Variants in PTPRN2 observed in about 807,000 individuals in gnomAD.
PTPRN2 encodes the protein receptor-type tyrosine-protein phosphatase N2.
In PTPRN2, 74 loss-of-function variants were observed where a neutral mutation model predicts 118.8. The observed-to-expected ratio is 0.62, with a 90% CI of 0.52 to 0.76. The LOEUF is 0.76. PTPRN2 is among the 30% of genes least tolerant of loss of function. The pLI is 0.00. For missense variants in PTPRN2, 1,481 were observed against 1,394.4 expected (o/e 1.06, Z -0.99); for synonymous variants, 641 against 608.0 (o/e 1.05, Z -0.80).
At position 157,729,170 on chromosome 7, in the gene PTPRN2, T is replaced by G. The variant is rs1799756890; in HGVS notation, c.1789-46233A>C. ...TTTTTTTTTTGGACAGAATTCCTAT[T>G]AAATACAATATAGAGTATTTCATTT... On this transcript the variant is annotated intron_variant, in intron 12 of 22. Coordinates refer to ENST00000389418, the MANE Select transcript of PTPRN2 (RefSeq NM_002847.5). This position sits in a 1 kb window ranked among gnomAD's most constrained non-coding sequence, Gnocchi z 4.3. Among the ~76,000 whole-genome samples, 1 of 152,180 alleles carries G rather than the reference T, an allele frequency of 6.6e-6. No individual in the cohort carries two copies. Among genetic ancestry groups the G allele is most frequent in the Non-Finnish European group, 1.5e-5 (1 of 68,014 alleles).
intron 3 of PTPRN2, among the ~76,000 whole-genome samples, chr7:158,284,567 A>G (rs1173119380): frequency 6.6e-6 from 1 of 152,074 alleles, no homozygotes; most frequent in Admixed American, 6.5e-5. Context: ...TTTGACAGAA[A>G]TTATGGACTC....
In PTPRN2 at chr7:157,895,217, G is replaced by C. The variant is rs138779148; in HGVS notation, c.1788+3456C>G. ...GACGAGACCATAAAATAAGCCAGAGGATCTGGACGAAACCATAAAATAAGC... is the reference window on the plus strand; with the variant it reads ...GACGAGACCATAAAATAAGCCAGAGCATCTGGACGAAACCATAAAATAAGC... On this transcript the variant is annotated intron_variant, in intron 12 of 22. Coordinates refer to ENST00000389418, the MANE Select transcript of PTPRN2 (RefSeq NM_002847.5). 2.7e-3 allele frequency among the ~76,000 whole-genome samples: 415 copies of C among 151,978 alleles called. 3 individuals are homozygous for C. Among genetic ancestry groups the C allele is most frequent in the African/African-American group, 9.3e-3 (385 of 41,456 alleles).
chr7:157,597,768 A>C (rs1442301072), intron 16 of PTPRN2, among the ~76,000 whole-genome samples: 2 of 152,192 alleles, frequency 1.3e-5, no homozygotes, highest in Non-Finnish European at 2.9e-5. Context: ...TGGGCTGTGC[A>C]GACTGAGTGG....
chr7:157,710,467 C>T lies in PTPRN2; in HGVS notation c.1789-27530G>A, dbSNP rs1261748780. ...ACAAACAATAAAAAAATCACCCAAG[C>T]TGCCTAACCGCCCCCACCCCCCCGC... On this transcript the variant is annotated intron_variant, in intron 12 of 22. Transcript: ENST00000389418. Among the ~76,000 whole-genome samples the T allele has an allele frequency of 3.3e-5, 5 of 151,984 alleles. No homozygotes were observed. The East Asian group carries it at 9.7e-4, about 29-fold the overall frequency.
chr7:157,580,062 A>G lies in PTPRN2; in HGVS notation c.2497-1922T>C, dbSNP rs530028620. On this transcript the variant is annotated intron_variant, in intron 17 of 22. Coordinates refer to ENST00000389418, the MANE Select transcript of PTPRN2 (RefSeq NM_002847.5). ...GAATCAGTAAAAATCCCAGTCGAGT[A>G]AGGTTCAATTTCTAATCGGGGAGAA... Among the ~76,000 whole-genome samples, 13 of 152,338 alleles carry G rather than the reference A, an allele frequency of 8.5e-5. No homozygotes were observed. In the South Asian group the frequency reaches 2.5e-3, roughly 29 times the overall value.
intron 13 of PTPRN2, among the ~76,000 whole-genome samples, chr7:157,667,091 G>A (rs11767091): frequency 6.4e-5 from 5 of 78,212 alleles, no homozygotes; most frequent in Non-Finnish European, 6.0e-5. Flanking sequence ...TGGCTTGCAC[G>A]CTCAGCCTGT....
intron 12 of PTPRN2, among the ~76,000 whole-genome samples, chr7:157,769,053 T>C (rs574809570): frequency 3.3e-5 from 5 of 152,312 alleles, no homozygotes; most frequent in Admixed American, 1.3e-4. Flanking sequence ...TTGGCATAAT[T>C]TTTCATGATC....
At chr7:157,799,968 C>T (rs1332123691) in intron 12 of PTPRN2, among the ~76,000 whole-genome samples, 2 of 150,828 alleles carry the variant, frequency 1.3e-5, no homozygotes, top group Admixed American at 6.6e-5. Context: ...CTCCTTTGTC[C>T]CTCAGAGGTA....
chr7:157,766,389 C>A (rs1802492818), intron 12 of PTPRN2, among the ~76,000 whole-genome samples: 1 of 151,860 alleles, frequency 6.6e-6, no homozygotes, highest in Admixed American at 6.6e-5. Flanking sequence ...TTCTTCCATC[C>A]AACCACCATC....
At position 158,529,892 on chromosome 7, in the gene PTPRN2, C is replaced by T. The variant is rs996454676; in HGVS notation, c.113-40107G>A. Reference sequence around the variant, plus strand: ...ACACCACACATATGCACACCACACACGTGCCACACACAGCACACATATGCA... The same window carrying T: ...ACACCACACATATGCACACCACACATGTGCCACACACAGCACACATATGCA... On this transcript the variant is annotated intron_variant, in intron 1 of 22. Transcript: ENST00000389418. The surrounding 1 kb of genome is among the most constrained non-coding windows in gnomAD (Gnocchi z 4.7). Among the ~76,000 whole-genome samples, 30 of 152,178 alleles carry T rather than the reference C, an allele frequency of 2.0e-4. No homozygotes were observed. The highest frequency in any genetic ancestry group is 3.5e-4 in the Non-Finnish European group (24 of 68,036).
chr7:157,839,165 A>G (rs1221778000), intron 12 of PTPRN2, among the ~76,000 whole-genome samples: 1 of 152,276 alleles, frequency 6.6e-6, no homozygotes, highest in African/African-American at 2.4e-5. Context: ...TATTTGGCAC[A>G]AGACAGATTA....
At chr7:158,326,896 TTC>T (rs1334781922) in intron 2 of PTPRN2, among the ~76,000 whole-genome samples, 9 of 144,652 alleles carry the variant, frequency 6.2e-5, no homozygotes, top group Admixed American at 2.1e-4. Flanking sequence ...CATGCACACA[TTC>T]TCACACATGC....
chr7:158,208,560 G>A (rs6942903), intron 3 of PTPRN2, among the ~76,000 whole-genome samples: 38,870 of 152,082 alleles, frequency 0.26, 5,653 homozygotes, highest in African/African-American at 0.39. Context: ...CAACAAAAAT[G>A]CATTTCAAAT....
chr7:158,193,225 G>A (rs1825922717), intron 4 of PTPRN2, among the ~76,000 whole-genome samples: 1 of 152,210 alleles, frequency 6.6e-6, no homozygotes. Flanking sequence ...GCGAGGACAA[G>A]GCCAAGAACC....
At position 158,293,652 on chromosome 7, in the gene PTPRN2, AAAAC is replaced by A. The variant is rs1415369613; in HGVS notation, c.277+23163_277+23166del. On this transcript the variant is annotated intron_variant, in intron 3 of 22. Transcript: ENST00000389418. ...AACTTTTTCTTATAACACTTAGCTT[AAAAC>A]AAACACATAGTACAGCAGTATAAAA... Among the ~76,000 whole-genome samples, 3 of 152,200 alleles carry A rather than the reference AAAAC, an allele frequency of 2.0e-5. No individual in the cohort carries two copies. The East Asian group carries it at 5.8e-4, about 29-fold the overall frequency.
chr7:157,673,077 A>G (rs2150784982), intron 13 of PTPRN2, among the ~76,000 whole-genome samples: 1 of 151,802 alleles, frequency 6.6e-6, no homozygotes, highest in Non-Finnish European at 1.5e-5. Flanking sequence ...TTTTTTTGAG[A>G]TGAAGTTTTG....
At chr7:158,295,092 C>A in intron 3 of PTPRN2, among the ~76,000 whole-genome samples, 1 of 146,788 alleles carries the variant, frequency 6.8e-6, no homozygotes, top group South Asian at 2.2e-4. Context: ...AGACATTGCA[C>A]CACATCATGG....
At chr7:157,578,185 A>G (rs370167485) in intron 17 of PTPRN2, 45 bp from the exon 18 acceptor site, 106 of 1,563,090 alleles carry the variant, frequency 6.8e-5, no homozygotes, top group Non-Finnish European at 9.2e-5. Context: ...CTGTCTCATC[A>G]CCGCGTGACA....
chr7:157,818,202 G>A (rs1297294822), intron 12 of PTPRN2, among the ~76,000 whole-genome samples: 1 of 151,908 alleles, frequency 6.6e-6, no homozygotes, highest in African/African-American at 2.4e-5. Flanking sequence ...GAAAGTGTGT[G>A]CACATGTGTG....
Sources: gnomAD v4.1 joint callset for allele counts (sites outside exome capture counted in the v4.1 genomes callset) on GRCh38, gnomAD v4.1.1 for gene constraint, Gnocchi (gnomAD v3.1) non-coding constraint, MANE v1.5 for transcripts, NCBI Gene and HGNC (gene_info 2026-07-23, HGNC 2026-07-21) for gene names.